Variants in ADGRB3 observed in about 807,000 individuals in gnomAD.
ADGRB3 encodes brain-specific angiogenesis inhibitor 3.
A neutral mutation model predicts 193.4 loss-of-function variants in ADGRB3; 37 were observed. That is an observed-to-expected ratio of 0.19 (90% CI 0.15 to 0.25). The LOEUF (loss-of-function observed/expected upper bound fraction) is 0.25. Ranked by LOEUF, ADGRB3 falls within the 10% of genes least tolerant of loss-of-function variation. The probability of loss-of-function intolerance (pLI) is 1.00; values close to 1 mark genes in which losing one functional copy is unlikely to be tolerated. For synonymous variants in ADGRB3, 690 were observed against 644.2 expected, an observed-to-expected ratio of 1.07 and a Z score of -1.08; for missense variants, 1,637 against 1,852.9, an observed-to-expected ratio of 0.88 and a Z score of 2.14.
intron 17 of ADGRB3, among the ~76,000 whole-genome samples, chr6:69,104,332 C>T (rs1003962334): frequency 5.9e-5 from 9 of 151,374 alleles, no homozygotes; most frequent in African/African-American, 1.9e-4. Context: ...TGATGGTTTC[C>T]AATTTCATCC....
chr6:68,848,224 A>G lies in ADGRB3; in HGVS notation c.758-82335A>G, dbSNP rs915986176. Among the ~76,000 whole-genome samples, 3 of 152,132 alleles carry G rather than the reference A, an allele frequency of 2.0e-5. No homozygotes were observed. The East Asian group carries it at 5.8e-4, about 29-fold the overall frequency. On this transcript the variant is annotated intron_variant, in intron 3 of 31. Coordinates refer to ENST00000370598, the MANE Select transcript of ADGRB3 (RefSeq NM_001704.3). ...AATGAAGAGGTAATAGTAAAAGCAT[A>G]AATCTTTCATACTGGTTATTCAGTC...
intron 3 of ADGRB3, among the ~76,000 whole-genome samples, chr6:68,763,139 G>A (rs1766444111): frequency 6.6e-6 from 1 of 151,848 alleles, no homozygotes; most frequent in Admixed American, 6.6e-5. Context: ...CACCCAGGCT[G>A]GAGTGCAATG....
chr6:69,246,666 T>C (rs1469970495), intron 20 of ADGRB3, among the ~76,000 whole-genome samples: 1 of 152,146 alleles, frequency 6.6e-6, no homozygotes, highest in Non-Finnish European at 1.5e-5. Context: ...AAGATCAATA[T>C]GAAGGATGGG....
chr6:69,167,278 C>T (rs1036039853), intron 17 of ADGRB3, among the ~76,000 whole-genome samples: 6 of 151,994 alleles, frequency 3.9e-5, no homozygotes, highest in African/African-American at 1.4e-4. Flanking sequence ...TTTTGAGAAT[C>T]AGTTTAAAGA....
At position 68,968,699 on chromosome 6, in the gene ADGRB3, C is replaced by T. The variant is rs150724693; in HGVS notation, c.1526-6064C>T. On this transcript the variant is annotated intron_variant, in intron 8 of 31. Coordinates refer to ENST00000370598, the MANE Select transcript of ADGRB3 (RefSeq NM_001704.3). The stretch of plus-strand genomic sequence containing the variant: ...TTGCCATGTCATTATTAAAAACGGA[C>T]GAGTCGTTGTATCTAGAATTCAATT... Among the ~76,000 whole-genome samples, 61 of 152,168 alleles carry T rather than the reference C, an allele frequency of 4.0e-4. No individual in the cohort carries two copies. In the East Asian group the frequency reaches 4.6e-3, roughly 12 times the overall value.
intron 17 of ADGRB3, among the ~76,000 whole-genome samples, chr6:69,100,271 CT>C (rs1453108428): frequency 6.6e-6 from 1 of 152,126 alleles, no homozygotes; most frequent in Non-Finnish European, 1.5e-5. Context: ...AATCTTCTTA[CT>C]TTTTGGTTTT....
rs1766822413 is a variant in ADGRB3 at position 69,258,116 on chromosome 6, T to C, written c.2814+18890T>C. On this transcript the variant is annotated intron_variant, in intron 20 of 31. Coordinates refer to ENST00000370598, the MANE Select transcript of ADGRB3 (RefSeq NM_001704.3). ...TAAAGACGAATATCTTTAAGCTCTGTTTTTCAGAAATGAAATGGTATTCGC... is the reference window on the plus strand; with the variant it reads ...TAAAGACGAATATCTTTAAGCTCTGCTTTTCAGAAATGAAATGGTATTCGC... Among the ~76,000 whole-genome samples the C allele has an allele frequency of 2.0e-5, 3 of 152,160 alleles. No homozygotes were observed. The South Asian group carries it at 6.2e-4, about 31-fold the overall frequency.
chr6:69,304,100 A>T (rs3799086), intron 20 of ADGRB3, among the ~76,000 whole-genome samples: 66,932 of 150,394 alleles, frequency 0.45, 16,502 homozygotes, highest in African/African-American at 0.66. Flanking sequence ...GTTTTTTTTA[A>T]AAAAAAGAGG....
intron 13 of ADGRB3, among the ~76,000 whole-genome samples, chr6:69,027,335 C>T (rs1044062095): frequency 1.3e-5 from 2 of 152,042 alleles, no homozygotes; most frequent in Non-Finnish European, 2.9e-5. Context: ...CCTGAAAGGT[C>T]CTCAGGGGAA....
intron 3 of ADGRB3, among the ~76,000 whole-genome samples, chr6:68,897,017 A>G (rs868196484): frequency 6.6e-6 from 1 of 152,238 alleles, no homozygotes; most frequent in South Asian, 2.1e-4. Flanking sequence ...TTAGACTTCA[A>G]TCTCAGTCCT....
chr6:68,968,814 G>T (rs1176920735), intron 8 of ADGRB3, among the ~76,000 whole-genome samples: 2 of 151,860 alleles, frequency 1.3e-5, no homozygotes, highest in African/African-American at 2.4e-5. Flanking sequence ...TTTTTGGTTG[G>T]CATTTATAGA....
chr6:68,715,953 G>A (rs1765482623), intron 3 of ADGRB3, among the ~76,000 whole-genome samples: 1 of 151,690 alleles, frequency 6.6e-6, no homozygotes, highest in African/African-American at 2.4e-5. Context: ...GGTGGCGGGG[G>A]AATGCTGACC....
chr6:68,887,992 A>G (rs1765957005), intron 3 of ADGRB3, among the ~76,000 whole-genome samples: 1 of 152,148 alleles, frequency 6.6e-6, no homozygotes, highest in Admixed American at 6.6e-5. Flanking sequence ...GCTCCTTTCC[A>G]AGTATTGTGC....
At chr6:69,029,998 A>ACACG (rs1770585648) in intron 13 of ADGRB3, among the ~76,000 whole-genome samples, 2 of 151,610 alleles carry the variant, frequency 1.3e-5, no homozygotes, top group South Asian at 4.2e-4. Context: ...ACACACACAC[A>ACACG]CACACATATA....
At chr6:68,697,305 C>A (rs532406754) in intron 3 of ADGRB3, among the ~76,000 whole-genome samples, 1 of 151,806 alleles carries the variant, frequency 6.6e-6, no homozygotes, top group East Asian at 1.9e-4. Flanking sequence ...TATTTTTAAA[C>A]TTAGAAATTT....
chr6:69,369,664 C>A (rs1263022358), intron 29 of ADGRB3, among the ~76,000 whole-genome samples: 4 of 150,634 alleles, frequency 2.7e-5, no homozygotes, highest in Non-Finnish European at 4.4e-5. Context: ...TGCCACTGAA[C>A]CCCGGCCTGG....
At chr6:68,873,089 A>T (rs143334150) in intron 3 of ADGRB3, among the ~76,000 whole-genome samples, 1 of 152,132 alleles carries the variant, frequency 6.6e-6, no homozygotes, top group Non-Finnish European at 1.5e-5. Flanking sequence ...TAACTTAGCA[A>T]TTGGAACATG....
intron 10 of ADGRB3, among the ~76,000 whole-genome samples, chr6:68,981,875 T>C (rs929199967): frequency 7.0e-6 from 1 of 143,784 alleles, no homozygotes; most frequent in Non-Finnish European, 1.6e-5. Flanking sequence ...TTTATTTATT[T>C]ATTTATTTAT....
At chr6:68,736,517 T>G (rs1765876248) in intron 3 of ADGRB3, among the ~76,000 whole-genome samples, 1 of 152,088 alleles carries the variant, frequency 6.6e-6, no homozygotes, top group Non-Finnish European at 1.5e-5. Context: ...CTGTTCTGTG[T>G]AAGATTTCAA....
Sources: gnomAD v4.1 joint callset for allele counts (sites outside exome capture counted in the v4.1 genomes callset) on GRCh38, gnomAD v4.1.1 for gene constraint, MANE v1.5 for transcripts, NCBI Gene and HGNC (gene_info 2026-07-23, HGNC 2026-07-21) for gene names.